The following WNT3 variants were observed in gnomAD, a reference collection of about 807,000 sequenced individuals.
WNT3 encodes proto-oncogene Wnt-3.
In WNT3, 7 loss-of-function variants were observed where a neutral mutation model predicts 34.2. The ratio of observed to expected loss-of-function variants is 0.20; its 90% CI spans 0.12 to 0.38. The LOEUF is 0.38. Ranked by LOEUF, WNT3 falls within the 10% of genes least tolerant of loss-of-function variation. The pLI is 1.00. For synonymous variants in WNT3, 212 were observed against 211.5 expected, an observed-to-expected ratio of 1.00 and a Z score of -0.02; for missense variants, 267 against 499.8, an observed-to-expected ratio of 0.53 and a Z score of 4.44.
chr17:46,798,228 C>T (rs773833444), intron 1 of WNT3, among the ~76,000 whole-genome samples: 5 of 152,090 alleles, frequency 3.3e-5, no homozygotes, highest in Non-Finnish European at 7.4e-5. Context: ...TGTGCCCAGC[C>T]AAAAACCAGT....
At chr17:46,808,556 G>T (rs189426184) in intron 1 of WNT3, among the ~76,000 whole-genome samples, 3 of 152,210 alleles carry the variant, frequency 2.0e-5, no homozygotes, top group African/African-American at 4.8e-5. Context: ...TGCCCAGGCT[G>T]CACTGTGGGA....
chr17:46,787,692 G>A (rs918149437), intron 1 of WNT3, among the ~76,000 whole-genome samples: 1 of 152,198 alleles, frequency 6.6e-6, no homozygotes, highest in African/African-American at 2.4e-5. Context: ...GGTGGCTCAC[G>A]CCTGTATTCC....
intron 1 of WNT3, among the ~76,000 whole-genome samples, chr17:46,812,236 T>C (rs1011708054): frequency 6.6e-6 from 1 of 152,154 alleles, no homozygotes; most frequent in African/African-American, 2.4e-5. Flanking sequence ...AGAAGGACCC[T>C]GCTTAGAGCC....
intron 1 of WNT3, among the ~76,000 whole-genome samples, chr17:46,782,602 G>T (rs1049180286): frequency 1.3e-5 from 2 of 152,254 alleles, no homozygotes; most frequent in Non-Finnish European, 2.9e-5. Context: ...AAGCCGTTCA[G>T]GATTGGCAGA....
intron 1 of WNT3, among the ~76,000 whole-genome samples, chr17:46,781,390 G>A (rs1378479249): frequency 6.6e-6 from 1 of 150,832 alleles, no homozygotes; most frequent in Non-Finnish European, 1.5e-5. Flanking sequence ...GCCAGCTTAG[G>A]CAACAGAGTA....
chr17:46,781,157 G>A (rs1238445968), intron 1 of WNT3, among the ~76,000 whole-genome samples: 3 of 151,688 alleles, frequency 2.0e-5, no homozygotes, highest in Non-Finnish European at 4.4e-5. Flanking sequence ...GAACCTGAGA[G>A]GCAGAGGTTA....
intron 1 of WNT3, 66 bp from the exon 2 acceptor site, chr17:46,773,975 G>A: frequency 4.5e-6 from 7 of 1,569,418 alleles, no homozygotes; most frequent in Non-Finnish European, 6.0e-6. Context: ...GGGCACCATG[G>A]CCGCTTTGTG....
At chr17:46,764,910 C>CTTTT in intron 4 of WNT3, among the ~76,000 whole-genome samples, 1 of 152,220 alleles carries the variant, frequency 6.6e-6, no homozygotes, top group East Asian at 1.9e-4. Context: ...AGCCCAGGAG[C>CTTTT]AGGTCACTCA....
In WNT3 at chr17:46,771,830, G is replaced by C. The variant is rs548344627; in HGVS notation, c.323-1782C>G. On this transcript the variant is annotated intron_variant, in intron 2 of 4. Coordinates refer to ENST00000225512, the MANE Select transcript of WNT3 (RefSeq NM_030753.5). ...GTGAATGGCGCGGCGGCCGCGCGGT[G>C]GGGGGGCGGTGCTCGGGCGCTTTTC... is the stretch of plus-strand genomic sequence containing the variant. Among the ~76,000 whole-genome samples the C allele has an allele frequency of 1.4e-3, 201 of 141,766 alleles. 1 individual carries two copies. The highest frequency in any genetic ancestry group is 6.1e-3 in the Admixed American group (88 of 14,466). 93.0% of individuals were successfully genotyped at this position (141,766 alleles called of 152,430 possible). A position where few individuals can be genotyped will look rare whatever the true frequency, so the allele number is the denominator to read the frequency against.
chr17:46,785,951 T>C (rs2059501622), intron 1 of WNT3, among the ~76,000 whole-genome samples: 1 of 152,238 alleles, frequency 6.6e-6, no homozygotes, highest in Non-Finnish European at 1.5e-5. Flanking sequence ...CTCTGGCTGA[T>C]CTGATAAGAT....
At chr17:46,804,208 C>T (rs190938403) in intron 1 of WNT3, among the ~76,000 whole-genome samples, 7 of 152,222 alleles carry the variant, frequency 4.6e-5, no homozygotes, top group African/African-American at 1.7e-4. Flanking sequence ...CTGCCTCAGC[C>T]TCCCCAGCAG....
chr17:46,788,051 A>G (rs1334459914), intron 1 of WNT3, among the ~76,000 whole-genome samples: 5 of 151,724 alleles, frequency 3.3e-5, no homozygotes, highest in Non-Finnish European at 7.4e-5. Context: ...GAGAAGTCCC[A>G]CTTGGGACTT....
At chr17:46,799,046 C>CAAA (rs35108068) in intron 1 of WNT3, among the ~76,000 whole-genome samples, 32 of 93,250 alleles carry the variant, frequency 3.4e-4, no homozygotes, top group African/African-American at 9.7e-4. Flanking sequence ...GACTCCGTCT[C>CAAA]AAAAAAAAAA....
chr17:46,818,587 T>G lies in WNT3; in HGVS notation c.11A>C (p.His4Pro). 1 of 1,600,938 alleles carries G rather than the reference T, an allele frequency of 6.2e-7. No homozygotes were observed. Among genetic ancestry groups the G allele is most frequent in the Non-Finnish European group, 8.5e-7 (1 of 1,174,508 alleles). ...GAGGCCGAGGAGCAGCCCGAGCAGGTGGGGCTCCATTAGAAGAGGCGCCGA... is the reference window on the plus strand; with the variant it reads ...GAGGCCGAGGAGCAGCCCGAGCAGGGGGGGCTCCATTAGAAGAGGCGCCGA... The part of the protein sequence containing the change: MEP[H>P]LLGLLLGLLL... The change falls in exon 1 of 5, where the codon CAC becomes CCC. Residue 4 changes from histidine (H) to proline (P), a missense_variant. Around this residue, in one of 3 missense-constraint regions of WNT3, gnomAD observed 26 missense variants for 25.8 expected, o/e 1.01. Coordinates refer to ENST00000225512, the MANE Select transcript of WNT3 (RefSeq NM_030753.5).
At chr17:46,765,595 A>AACG (rs1248453784) in intron 4 of WNT3, among the ~76,000 whole-genome samples, 1 of 149,818 alleles carries the variant, frequency 6.7e-6, no homozygotes, top group Non-Finnish European at 1.5e-5. Flanking sequence ...GAGAACAGCT[A>AACG]ACGACTCTGT....
chr17:46,817,540 G>C (rs1045161257), intron 1 of WNT3, among the ~76,000 whole-genome samples: 1 of 152,148 alleles, frequency 6.6e-6, no homozygotes, highest in East Asian at 1.9e-4. Context: ...GTGGGAGAGC[G>C]GCGATGGGGC....
intron 4 of WNT3, among the ~76,000 whole-genome samples, chr17:46,764,904 C>T (rs144213821): frequency 6.6e-6 from 1 of 152,314 alleles, no homozygotes; most frequent in Non-Finnish European, 1.5e-5. Context: ...ACAGGAAGCC[C>T]AGGAGCAGGT....
chr17:46,779,055 A>T (rs73304515), intron 1 of WNT3, among the ~76,000 whole-genome samples: 1,861 of 76,696 alleles, frequency 0.024, 60 homozygotes, highest in African/African-American at 0.068. Flanking sequence ...CTACCCCATC[A>T]CACACACACA....
Position 46,807,910 on chromosome 17 carries a change from C to T in WNT3, c.80+10608G>A, listed in dbSNP as rs148429859. 3.1e-3 allele frequency among the ~76,000 whole-genome samples: 469 copies of T among 152,266 alleles called. 2 individuals are homozygous for T. The highest frequency in any genetic ancestry group is 0.011 in the African/African-American group (447 of 41,550). The stretch of plus-strand genomic sequence containing the variant: ...GAAAGGAGAAAGCATGCTGGCTCCT[C>T]GGGGAGAAATAAAGCTGAAGGTCGA... On this transcript the variant is annotated intron_variant, in intron 1 of 4. Coordinates refer to ENST00000225512, the MANE Select transcript of WNT3 (RefSeq NM_030753.5).
Sources: allele counts gnomAD v4.1 joint callset (sites outside exome capture counted in the v4.1 genomes callset), GRCh38; gene constraint gnomAD v4.1.1; regional missense constraint gnomAD v4.1.1; transcripts MANE v1.5; gene names NCBI Gene and HGNC (gene_info 2026-07-23, HGNC 2026-07-21).